CTIF: variants seen among roughly 807,000 people sequenced by gnomAD.
CTIF encodes the protein CBP80/20-dependent translation initiation factor.
Under a neutral mutation model 66.0 loss-of-function variants are expected in CTIF, and 21 were observed. That is an observed-to-expected ratio of 0.32 (90% CI 0.23 to 0.46). The LOEUF (loss-of-function observed/expected upper bound fraction) is 0.46. Among genes scored for constraint, CTIF ranks in the 20% least tolerant of loss-of-function variants. The pLI, the probability that CTIF is intolerant of heterozygous loss-of-function variation, is 1.00. For synonymous variants in CTIF, 345 were observed against 326.4 expected (o/e 1.06, Z -0.62); for missense variants, 739 against 812.7 (o/e 0.91, Z 1.10).
chr18:48,606,147 C>G (rs148512120), intron 1 of CTIF, among the ~76,000 whole-genome samples: 2 of 152,208 alleles, frequency 1.3e-5, no homozygotes, highest in African/African-American at 4.8e-5. Context: ...TTCTCATACC[C>G]TCTAACCAGA....
rs199853397 is a variant in CTIF, at chr18:48,859,519, C to T, written c.1757C>T (p.Thr586Met). 84 of 1,614,170 alleles carry T rather than the reference C, an allele frequency of 5.2e-5. 1 individual carries two copies. In the Admixed American group the frequency reaches 8.2e-4, roughly 16 times the overall value. Residue 586 changes from threonine (T) to methionine (M), a missense_variant, in exon 12 of 12, where the codon ACG becomes ATG. Physicochemically the swap from Thr to Met is moderately conservative, Grantham distance 81 (BLOSUM62 -1). Transcript: ENST00000256413. The stretch of plus-strand genomic sequence containing the variant: ...TGGAACCCTCTGACGCCCCCCATCA[C>T]GCAGTACTACAACAGAACCATCCAG... The part of the protein sequence containing the change: ...NSWNPLTPPI[T>M]QYYNRTIQKL...
chr18:48,777,229 G>A (rs1224815572), intron 9 of CTIF, among the ~76,000 whole-genome samples: 2 of 152,246 alleles, frequency 1.3e-5, no homozygotes, highest in Non-Finnish European at 2.9e-5. Context: ...GGCAGCACCT[G>A]CTGGGTGGGC....
At chr18:48,811,319 GT>G (rs1192258281) in intron 9 of CTIF, among the ~76,000 whole-genome samples, 1 of 151,876 alleles carries the variant, frequency 6.6e-6, no homozygotes, top group Non-Finnish European at 1.5e-5. Flanking sequence ...TTTCCCTTCT[GT>G]TTCTTCTATA....
Position 48,698,281 on chromosome 18 carries a change from T to C in CTIF, c.508-13338T>C, listed in dbSNP as rs1399375304. Among the ~76,000 whole-genome samples the C allele has an allele frequency of 2.6e-5, 4 of 152,030 alleles. No individual in the cohort carries two copies. In the East Asian group the frequency reaches 5.8e-4, roughly 22 times the overall value. On this transcript the variant is annotated intron_variant, in intron 6 of 11. Transcript: ENST00000256413. The stretch of plus-strand genomic sequence containing the variant: ...GGTGATTCAGCTGCAGGGGCTGCCC[T>C]CCTGGAACCTGTCGCAGGAGATGCC...
At chr18:48,802,063 C>G (rs970348200) in intron 9 of CTIF, among the ~76,000 whole-genome samples, 2 of 152,230 alleles carry the variant, frequency 1.3e-5, no homozygotes, top group African/African-American at 4.8e-5. Context: ...GGTCAAAGGT[C>G]TCTTTCATTT....
At chr18:48,678,278 A>G (rs1365464678) in intron 6 of CTIF, among the ~76,000 whole-genome samples, 4 of 152,208 alleles carry the variant, frequency 2.6e-5, no homozygotes, top group Non-Finnish European at 5.9e-5. Context: ...CAGCTTTGAA[A>G]GAGAAATATT....
At chr18:48,793,980 C>G (rs969653426) in intron 9 of CTIF, among the ~76,000 whole-genome samples, 1 of 152,204 alleles carries the variant, frequency 6.6e-6, no homozygotes, top group Non-Finnish European at 1.5e-5. Flanking sequence ...AAAAATTAAG[C>G]ACCTGTTACC....
intron 3 of CTIF, among the ~76,000 whole-genome samples, chr18:48,640,795 C>T (rs138738092): frequency 6.6e-6 from 1 of 152,364 alleles, no homozygotes; most frequent in South Asian, 2.1e-4. Context: ...ATGATTGATT[C>T]ATCCCCAGCA....
rs1411657473 is a variant in CTIF at position 48,722,602 on chromosome 18, ACAGGTGTAAGCAC to A, written c.584+10909_584+10921del. 4.0e-5 allele frequency among the ~76,000 whole-genome samples: 6 copies of A among 151,628 alleles called. No homozygotes were observed. In the South Asian group the frequency reaches 8.3e-4, roughly 21 times the overall value. On this transcript the variant is annotated intron_variant, in intron 7 of 11. Coordinates refer to ENST00000256413, the MANE Select transcript of CTIF (RefSeq NM_014772.3). ...TACCCAGCCATACCTGTTGGTGCTC[ACAGGTGTAAGCAC>A]CCGGCCGTACTCATCGGCACTCACA...
intron 1 of CTIF, among the ~76,000 whole-genome samples, chr18:48,548,182 C>T (rs1484130988): frequency 1.3e-5 from 2 of 152,118 alleles, no homozygotes; most frequent in African/African-American, 4.8e-5. Context: ...TGGTTCCATC[C>T]AGAGTGGGTG....
chr18:48,769,291 A>AC lies in CTIF; in HGVS notation c.1371+7603dup, dbSNP rs1228403478. 1.2e-4 allele frequency among the ~76,000 whole-genome samples: 18 copies of AC among 152,364 alleles called. No homozygotes were observed. In the East Asian group the frequency reaches 3.3e-3, roughly 28 times the overall value. ...TTGAGCAAAAGCCCTGGCCATACCC[A>AC]CATCGAGCTCCCCTCCACTAGTTGC... On this transcript the variant is annotated intron_variant, in intron 9 of 11. Coordinates refer to ENST00000256413, the MANE Select transcript of CTIF (RefSeq NM_014772.3).
At chr18:48,558,568 G>A (rs1599139757) in intron 1 of CTIF, among the ~76,000 whole-genome samples, 1 of 152,150 alleles carries the variant, frequency 6.6e-6, no homozygotes, top group Non-Finnish European at 1.5e-5. Flanking sequence ...ACATATAATT[G>A]TAATTTCGAG....
chr18:48,679,692 T>C (rs1016698939), intron 6 of CTIF, among the ~76,000 whole-genome samples: 3 of 152,196 alleles, frequency 2.0e-5, no homozygotes, highest in Non-Finnish European at 4.4e-5. Context: ...CAATTTCACC[T>C]CCTGCATGAA....
intron 6 of CTIF, among the ~76,000 whole-genome samples, chr18:48,680,288 G>C (rs1275268004): frequency 6.6e-6 from 1 of 152,260 alleles, no homozygotes; most frequent in African/African-American, 2.4e-5. Context: ...ATCCCTTGAT[G>C]AGTATCAGAG....
At chr18:48,662,057 G>A (rs2091355814) in intron 3 of CTIF, 1 of 152,262 alleles carries the variant, frequency 6.6e-6, no homozygotes, top group African/African-American at 2.4e-5. Flanking sequence ...GGCCGGCTCT[G>A]CTACTGTAAG....
At chr18:48,574,024 C>T (rs1438117130) in intron 1 of CTIF, among the ~76,000 whole-genome samples, 1 of 152,228 alleles carries the variant, frequency 6.6e-6, no homozygotes, top group Admixed American at 6.5e-5. Flanking sequence ...TGTCACCGGG[C>T]ACCCTCAGGT....
In CTIF at chr18:48,761,423, C is replaced by A; in HGVS notation, c.1105C>A (p.Gln369Lys). 1 of 1,614,008 alleles carries A rather than the reference C, an allele frequency of 6.2e-7. No homozygotes were observed. Among genetic ancestry groups the A allele is most frequent in the South Asian group, 1.1e-5 (1 of 91,088 alleles). The change falls in exon 9 of 12, where the codon CAG becomes AAG. Residue 369 changes from glutamine to lysine, a missense_variant. Gln to Lys is a moderately conservative substitution (Grantham distance 53). Transcript: ENST00000256413. This position sits in a 1 kb window ranked among gnomAD's most constrained non-coding sequence, Gnocchi z 4.2. ...GGCCGTGGAGACGACCACTCCCCAG[C>A]AGAACAAGATGGACAAGCTGATCGA... ...EVAVETTTPQQNKMDKLIEIL... is the reference protein window; with the variant it reads ...EVAVETTTPQKNKMDKLIEIL...
intron 2 of CTIF, among the ~76,000 whole-genome samples, chr18:48,626,088 C>T (rs1410715272): frequency 3.3e-5 from 5 of 149,782 alleles, no homozygotes; most frequent in Non-Finnish European, 1.5e-5. Context: ...TGCAACCTCC[C>T]CCCACCGCAG....
intron 10 of CTIF, among the ~76,000 whole-genome samples, chr18:48,846,006 C>G (rs558823714): frequency 1.3e-5 from 2 of 152,346 alleles, no homozygotes; most frequent in South Asian, 4.1e-4. Context: ...CATCTCCATG[C>G]TATGCAAGAT....
Sources: gnomAD v4.1 joint callset for allele counts (sites outside exome capture counted in the v4.1 genomes callset) on GRCh38, gnomAD v4.1.1 for gene constraint, Gnocchi (gnomAD v3.1) non-coding constraint, MANE v1.5 for transcripts, NCBI Gene and HGNC (gene_info 2026-07-23, HGNC 2026-07-21) for gene names.